The following HESX1 variants were observed in gnomAD, a reference collection of about 807,000 sequenced individuals.
HESX1 encodes HESX homeobox 1, also known as homeobox expressed in ES cells 1.
In HESX1, 11 loss-of-function variants were observed where a neutral mutation model predicts 22.5. That is an observed-to-expected ratio of 0.49 (90% CI 0.31 to 0.81). HESX1 has a LOEUF of 0.81. HESX1 is among the 30% of genes least tolerant of loss of function. The probability of loss-of-function intolerance (pLI) is 0.05; values close to 1 mark genes in which losing one functional copy is unlikely to be tolerated. For missense variants in HESX1, 201 were observed against 212.6 expected (o/e 0.95, Z 0.34); for synonymous variants, 74 against 76.5 (o/e 0.97, Z 0.17).
upstream of HESX1, among the ~76,000 whole-genome samples, chr3:57,200,951 T>C (rs1332921175): frequency 6.6e-6 from 1 of 152,200 alleles, no homozygotes; most frequent in Non-Finnish European, 1.5e-5. Context: ...TAACTGCTGA[T>C]TGGGAAGATT....
At chr3:57,223,385 A>T (rs767559095) in intron 1 of HESX1, among the ~76,000 whole-genome samples, 3 of 152,154 alleles carry the variant, frequency 2.0e-5, no homozygotes, top group Admixed American at 2.0e-4. Context: ...TTTTCCTAGA[A>T]GTTTTTTTTT....
At chr3:57,201,855 ATATCTATATCTATCTATC>A (rs1463616346), upstream of HESX1, among the ~76,000 whole-genome samples, 2 of 142,978 alleles carry the variant, frequency 1.4e-5, no homozygotes, top group African/African-American at 5.1e-5. Context: ...TTGGATTTAC[ATATCTATATCTATCTATC>A]TATATCTATC....
chr3:57,222,496 C>T (rs1343684693), intron 1 of HESX1, among the ~76,000 whole-genome samples: 3 of 152,104 alleles, frequency 2.0e-5, no homozygotes, highest in Admixed American at 6.5e-5. Context: ...TGGGCTCAAG[C>T]GATCCTCCCA....
intron 1 of HESX1, among the ~76,000 whole-genome samples, chr3:57,225,591 T>C (rs1228452438): frequency 6.6e-6 from 1 of 152,168 alleles, no homozygotes; most frequent in Admixed American, 6.5e-5. Context: ...TCCGCCTGCC[T>C]CAGCCTCCCA....
chr3:57,208,959 A>G (rs1012453236), intron 1 of HESX1, among the ~76,000 whole-genome samples: 25 of 148,128 alleles, frequency 1.7e-4, no homozygotes, highest in Non-Finnish European at 7.5e-5. Context: ...GACTGTATCT[A>G]AAAAAAAAAG....
chr3:57,206,959 AT>A (rs879408950), intron 1 of HESX1, among the ~76,000 whole-genome samples: 145 of 147,416 alleles, frequency 9.8e-4, no homozygotes, highest in African/African-American at 2.4e-3. Context: ...TAGCAGTATA[AT>A]TTTTTTTTTT....
upstream of HESX1, chr3:57,227,588 G>A (rs757579727): frequency 5.9e-4 from 166 of 282,156 alleles, no homozygotes; most frequent in Non-Finnish European, 9.9e-4. Flanking sequence ...CACCTCCGCC[G>A]CTTCCGACGC....
intron 1 of HESX1, among the ~76,000 whole-genome samples, chr3:57,209,102 G>A (rs2060536805): frequency 6.6e-6 from 1 of 152,192 alleles, no homozygotes; most frequent in Non-Finnish European, 1.5e-5. Flanking sequence ...CTGGGATGAT[G>A]AAAATGTTCT....
chr3:57,213,013 G>A (rs2060564539), intron 1 of HESX1, among the ~76,000 whole-genome samples: 1 of 151,860 alleles, frequency 6.6e-6, no homozygotes, highest in Non-Finnish European at 1.5e-5. Flanking sequence ...GGGGTCAAAC[G>A]TGTACTGTTC....
chr3:57,204,604 G>C (rs1369716978), upstream of HESX1, among the ~76,000 whole-genome samples: 1 of 152,164 alleles, frequency 6.6e-6, no homozygotes, highest in Non-Finnish European at 1.5e-5. Flanking sequence ...TGCATCACCA[G>C]CAAAGAGATG....
At chr3:57,212,083 T>C (rs927144160) in intron 1 of HESX1, among the ~76,000 whole-genome samples, 2 of 152,190 alleles carry the variant, frequency 1.3e-5, no homozygotes, top group Non-Finnish European at 2.9e-5. Context: ...ATTTGGTTTA[T>C]AACAATTAAA....
At chr3:57,210,094 G>A (rs1347130460) in intron 1 of HESX1, among the ~76,000 whole-genome samples, 3 of 152,072 alleles carry the variant, frequency 2.0e-5, no homozygotes, top group African/African-American at 7.2e-5. Flanking sequence ...ATACCAAAGT[G>A]TACTAATCAA....
intron 1 of HESX1, among the ~76,000 whole-genome samples, chr3:57,225,980 A>T (rs1320582194): frequency 1.3e-5 from 2 of 151,096 alleles, no homozygotes; most frequent in Admixed American, 1.3e-4. Context: ...CCCGGCTTCA[A>T]CTGAGTCTCC....
At chr3:57,223,197 C>G (rs1188284257) in intron 1 of HESX1, among the ~76,000 whole-genome samples, 1 of 152,104 alleles carries the variant, frequency 6.6e-6, no homozygotes, top group Non-Finnish European at 1.5e-5. Flanking sequence ...AACAGTGGAG[C>G]CAGAATTTAA....
chr3:57,216,864 T>C (rs1475746062), intron 1 of HESX1, among the ~76,000 whole-genome samples: 2 of 152,220 alleles, frequency 1.3e-5, no homozygotes, highest in Non-Finnish European at 2.9e-5. Context: ...TTTAACCCTA[T>C]GTAAATATTG....
intron 1 of HESX1, among the ~76,000 whole-genome samples, chr3:57,212,557 C>CAAAAAAAAAAAAAAAAAAAAAA (rs56093005): frequency 6.2e-5 from 5 of 80,152 alleles, no homozygotes; most frequent in Admixed American, 1.4e-4. Context: ...GACTCTGTCT[C>CAAAAAAAAAAAAAAAAAAAAAA]AAAAAAAAAA....
At chr3:57,215,640 G>A (rs934674338) in intron 1 of HESX1, among the ~76,000 whole-genome samples, 5 of 152,028 alleles carry the variant, frequency 3.3e-5, no homozygotes, top group African/African-American at 1.2e-4. Context: ...GGTGGCGGGC[G>A]CCTATAATCC....
intron 1 of HESX1, among the ~76,000 whole-genome samples, chr3:57,205,638 C>CAT (rs2060515743): frequency 6.6e-6 from 1 of 152,120 alleles, no homozygotes; most frequent in Non-Finnish European, 1.5e-5. Context: ...ATGTTCCTCC[C>CAT]CTGTGAATCC....
intron 1 of HESX1, among the ~76,000 whole-genome samples, chr3:57,220,507 G>A (rs1409013006): frequency 1.3e-5 from 2 of 152,154 alleles, no homozygotes; most frequent in East Asian, 1.9e-4. Context: ...TTGGCTCACC[G>A]CAACCTCTGC....
Sources: gnomAD v4.1 joint callset for allele counts (sites outside exome capture counted in the v4.1 genomes callset) on GRCh38, gnomAD v4.1.1 for gene constraint, MANE v1.5 for transcripts, NCBI Gene and HGNC (gene_info 2026-07-23, HGNC 2026-07-21) for gene names.